Variants in KLRB1 observed in about 807,000 individuals in gnomAD.
KLRB1 encodes killer cell lectin-like receptor subfamily B member 1.
A neutral mutation model predicts 33.5 loss-of-function variants in KLRB1; 27 were observed. That is an observed-to-expected ratio of 0.81 (90% CI 0.59 to 1.11). The LOEUF (loss-of-function observed/expected upper bound fraction) is 1.11, where lower values mean the gene tolerates loss of function less well. KLRB1 is among the 50% of genes most tolerant of loss of function. KLRB1 has a pLI of 0.00. For missense variants in KLRB1, 241 were observed against 254.1 expected (o/e 0.95, Z 0.35); for synonymous variants, 64 against 88.9 (o/e 0.72, Z 1.58).
chr12:9,603,706 G>A (rs1864569842), intron 1 of KLRB1, among the ~76,000 whole-genome samples: 1 of 151,654 alleles, frequency 6.6e-6, no homozygotes, highest in Admixed American at 6.6e-5. Context: ...AAAGTGCTGG[G>A]ATTACATACG....
At chr12:9,597,050 A>G (rs781517617) in intron 5 of KLRB1, among the ~76,000 whole-genome samples, 2 of 152,156 alleles carry the variant, frequency 1.3e-5, no homozygotes, top group Non-Finnish European at 2.9e-5. Context: ...AATGTGGCTC[A>G]TATAATGTCA....
chr12:9,605,988 G>A (rs118065464), intron 1 of KLRB1, among the ~76,000 whole-genome samples: 132 of 151,798 alleles, frequency 8.7e-4, no homozygotes, highest in Non-Finnish European at 1.5e-3. Context: ...TATGAATAGA[G>A]GAAAAGAAAG....
chr12:9,607,335 C>CTTTCTCTTTCTTTTCTTTCTTTCTTT (rs1491505010), intron 1 of KLRB1, among the ~76,000 whole-genome samples: 3 of 65,170 alleles, frequency 4.6e-5, no homozygotes, highest in African/African-American at 1.3e-4. Flanking sequence ...CTCTTTCTTT[C>CTTTCTCTTTCTTTTCTTTCTTTCTTT]CTTTCTTTCT....
intron 1 of KLRB1, among the ~76,000 whole-genome samples, chr12:9,606,775 T>TGAGA (rs1864611117): frequency 1.6e-5 from 2 of 124,258 alleles, no homozygotes; most frequent in African/African-American, 2.8e-5. Flanking sequence ...TTTTTTTTTT[T>TGAGA]TGAGATAGTC....
In KLRB1 at chr12:9,601,556, A is replaced by G. The variant is rs1333880124; in HGVS notation, c.129T>C (p.Leu43=). 1 of 1,613,904 alleles carries G rather than the reference A, an allele frequency of 6.2e-7. No individual in the cohort carries two copies. Among genetic ancestry groups the G allele is most frequent in the African/African-American group, 1.3e-5 (1 of 75,044 alleles). The change falls in exon 2 of 6, where the codon CTT becomes CTC. Residue 43 remains leucine (L), a synonymous_variant. Coordinates refer to ENST00000229402, the MANE Select transcript of KLRB1 (RefSeq NM_002258.3). ...GSPWHQFALK[L]SCAGIILLVL... is the part of the protein sequence containing the mutation. ...CAAGGAGAATAATCCCAGCACAGCTAAGTTTCAGGGCAAATTGATGCCAAG... is the reference window on the plus strand; with the variant it reads ...CAAGGAGAATAATCCCAGCACAGCTGAGTTTCAGGGCAAATTGATGCCAAG...
chr12:9,606,633 C>T (rs1864602120), intron 1 of KLRB1, among the ~76,000 whole-genome samples: 2 of 137,106 alleles, frequency 1.5e-5, no homozygotes, highest in South Asian at 4.5e-4. Flanking sequence ...GTATGTTACT[C>T]ATTAAGCCTA....
rs1285915836 is a variant in KLRB1 at position 9,606,758 on chromosome 12, A to ATTTTTT, written c.85+996_85+997insAAAAAA. ...AGTATATATATATATATATATATAT[A>ATTTTTT]TATTTTTTTTTTTTTTTTGAGATAG... On this transcript the variant is annotated intron_variant, in intron 1 of 5. Coordinates refer to ENST00000229402, the MANE Select transcript of KLRB1 (RefSeq NM_002258.3). 1.8e-4 allele frequency among the ~76,000 whole-genome samples: 12 copies of ATTTTTT among 65,904 alleles called. 1 individual carries two copies. Among genetic ancestry groups the ATTTTTT allele is most frequent in the Non-Finnish European group, 2.8e-4 (11 of 39,348 alleles). The allele number at this position is 65,904 out of a possible 152,430, so 43.2% of individuals were successfully genotyped here. A position where few individuals can be genotyped will look rare whatever the true frequency, so the allele number is the denominator to read the frequency against.
At chr12:9,599,926 G>A in intron 2 of KLRB1, 85 bp from the exon 3 acceptor site, 2 of 756,674 alleles carry the variant, frequency 2.6e-6, no homozygotes, top group East Asian at 2.6e-5. Flanking sequence ...TAGGAAACTA[G>A]ATAATCTCAA....
At chr12:9,607,555 T>C in intron 1 of KLRB1, 200 bp downstream of exon 1, 1 of 509,602 alleles carries the variant, frequency 2.0e-6, no homozygotes, top group Non-Finnish European at 3.5e-6. Context: ...GCTAACTTGA[T>C]TGAAAAAAAT....
In KLRB1 at chr12:9,595,142, C is replaced by A; in HGVS notation, c.*132G>T. The A allele has an allele frequency of 1.5e-6, 1 of 678,472 alleles. No homozygotes were observed. 42.0% of individuals were successfully genotyped at this position (678,472 alleles called of 1,614,324 possible). A position where few individuals can be genotyped will look rare whatever the true frequency, so the allele number is the denominator to read the frequency against. Reference sequence around the variant, plus strand: ...ACATGAACTTCTGTAAGATTCATAACAGTTGTCAATTCTCAGAATTGTTCA... The same window carrying A: ...ACATGAACTTCTGTAAGATTCATAAAAGTTGTCAATTCTCAGAATTGTTCA... On this transcript the variant is annotated 3_prime_UTR_variant, in exon 6 of 6. Coordinates refer to ENST00000229402, the MANE Select transcript of KLRB1 (RefSeq NM_002258.3).
intron 1 of KLRB1, among the ~76,000 whole-genome samples, chr12:9,604,957 T>G (rs141169807): frequency 8.5e-5 from 13 of 152,278 alleles, no homozygotes; most frequent in African/African-American, 2.9e-4. Context: ...TCATTTACAT[T>G]AGGTATTTCT....
At position 9,607,902 on chromosome 12, in the gene KLRB1, A is replaced by T; in HGVS notation, c.-63T>A. ...GAACAAACTCTCAATTCTGTGAGGC[A>T]AAATCAGCAAAAGGAAGCTTTCTGC... On this transcript the variant is annotated 5_prime_UTR_variant, in exon 1 of 6. Transcript: ENST00000229402. 1 of 1,136,094 alleles carries T rather than the reference A, an allele frequency of 8.8e-7. No individual in the cohort carries two copies. Among genetic ancestry groups the T allele is most frequent in the Non-Finnish European group, 1.3e-6 (1 of 746,094 alleles). 70.4% of individuals were successfully genotyped at this position (1,136,094 alleles called of 1,614,324 possible).
intron 1 of KLRB1, 74 bp from the exon 2 acceptor site, chr12:9,601,673 T>G: frequency 2.1e-6 from 2 of 955,696 alleles, no homozygotes; most frequent in South Asian, 2.7e-5. Context: ...CTCAGTGGAG[T>G]ACATCTGGCA....
chr12:9,601,840 CAT>C (rs1864546744), intron 1 of KLRB1, among the ~76,000 whole-genome samples: 2 of 152,118 alleles, frequency 1.3e-5, no homozygotes, highest in African/African-American at 4.8e-5. Flanking sequence ...AACGCTTATG[CAT>C]GTGTGTATAC....
At chr12:9,599,061 A>C (rs985632966) in intron 3 of KLRB1, among the ~76,000 whole-genome samples, 1 of 152,158 alleles carries the variant, frequency 6.6e-6, no homozygotes, top group African/African-American at 2.4e-5. Flanking sequence ...ACAATATAAA[A>C]CTCATGTAAA....
At position 9,597,387 on chromosome 12, in the gene KLRB1, G is replaced by A. The variant is rs142456275; in HGVS notation, c.530+659C>T. On this transcript the variant is annotated intron_variant, in intron 5 of 5. Coordinates refer to ENST00000229402, the MANE Select transcript of KLRB1 (RefSeq NM_002258.3). ...TGCCTTTTTCTGCAAAATTATCCAT[G>A]AATTCTGCTAAAACATGAAATTTGC... 1.7e-4 allele frequency among the ~76,000 whole-genome samples: 26 copies of A among 148,768 alleles called. No individual in the cohort carries two copies. In the East Asian group the frequency reaches 4.0e-3, roughly 23 times the overall value.
At chr12:9,595,782 T>C (rs1864486439) in intron 5 of KLRB1, among the ~76,000 whole-genome samples, 1 of 152,220 alleles carries the variant, frequency 6.6e-6, no homozygotes, top group African/African-American at 2.4e-5. Context: ...ATATTTAGGC[T>C]ATAGCCACCT....
intron 1 of KLRB1, among the ~76,000 whole-genome samples, chr12:9,607,479 G>A (rs1864635483): frequency 6.7e-6 from 1 of 150,066 alleles, no homozygotes; most frequent in Non-Finnish European, 1.5e-5. Flanking sequence ...GTGTGCCCAG[G>A]GTAGCCTAAA....
At chr12:9,598,710 ACAC>A in intron 3 of KLRB1, 57 bp from the exon 4 acceptor site, 2 of 1,265,250 alleles carry the variant, frequency 1.6e-6, no homozygotes, top group Non-Finnish European at 2.2e-6. Context: ...TATCCCTGAC[ACAC>A]CACAACCAAT....
Sources: gnomAD v4.1 joint callset for allele counts (sites outside exome capture counted in the v4.1 genomes callset) on GRCh38, gnomAD v4.1.1 for gene constraint, MANE v1.5 for transcripts, NCBI Gene and HGNC (gene_info 2026-07-23, HGNC 2026-07-21) for gene names.